The following ZFHX3 variants were observed in gnomAD, a reference collection of about 807,000 sequenced individuals.
ZFHX3 encodes zinc finger homeobox 3, also known as zinc finger homeobox protein 3.
Under a neutral mutation model 279.1 loss-of-function variants are expected in ZFHX3, and 42 were observed. That is an observed-to-expected ratio of 0.15 (90% CI 0.12 to 0.19). The LOEUF (loss-of-function observed/expected upper bound fraction) is 0.19. Ranked by LOEUF, ZFHX3 falls within the 10% of genes least tolerant of loss-of-function variation. The pLI, the probability that ZFHX3 is intolerant of heterozygous loss-of-function variation, is 1.00. For synonymous variants in ZFHX3, 2,293 were observed against 1,957.8 expected, an observed-to-expected ratio of 1.17 and a Z score of -4.52; for missense variants, 4,981 against 4,754.0, an observed-to-expected ratio of 1.05 and a Z score of -1.40.
intron 1 of ZFHX3, among the ~76,000 whole-genome samples, chr16:73,725,381 C>T (rs1409520151): frequency 3.3e-5 from 5 of 152,154 alleles, no homozygotes; most frequent in African/African-American, 7.2e-5. Context: ...GCGACAGTTC[C>T]TCTGCATCCC....
At chr16:73,818,403 T>G (rs1043784777) in intron 1 of ZFHX3, among the ~76,000 whole-genome samples, 1 of 152,156 alleles carries the variant, frequency 6.6e-6, no homozygotes, top group South Asian at 2.1e-4. Flanking sequence ...ACCATGGAGA[T>G]GGATGGATTT....
chr16:73,248,521 G>C (rs1387278906), intron 5 of ZFHX3, among the ~76,000 whole-genome samples: 1 of 150,014 alleles, frequency 6.7e-6, no homozygotes, highest in Non-Finnish European at 1.5e-5. Flanking sequence ...TAGATACCGT[G>C]TATATGTGTC....
At chr16:73,555,167 T>C (rs2020257825) in intron 2 of ZFHX3, among the ~76,000 whole-genome samples, 1 of 152,106 alleles carries the variant, frequency 6.6e-6, no homozygotes, top group Admixed American at 6.5e-5. Flanking sequence ...GTATTTTATT[T>C]TTTTTGAGGA....
intron 4 of ZFHX3, among the ~76,000 whole-genome samples, chr16:73,287,246 GGTGTGTGGGTGTGTAGGCCA>G (rs2014637545): frequency 6.9e-6 from 1 of 145,742 alleles, no homozygotes; most frequent in Non-Finnish European, 1.5e-5. Context: ...TCAGTGTATG[GGTGTGTGGGTGTGTAGGCCA>G]GTGTGTGGGT....
chr16:73,317,281 G>A (rs1304607555), intron 4 of ZFHX3, among the ~76,000 whole-genome samples: 1 of 150,514 alleles, frequency 6.6e-6, no homozygotes. Context: ...GCCGGGGGGT[G>A]GGGTGGGGGT....
chr16:73,109,029 T>C (rs924955185), intron 7 of ZFHX3, among the ~76,000 whole-genome samples: 4 of 152,174 alleles, frequency 2.6e-5, no homozygotes, highest in Admixed American at 2.0e-4. Context: ...GGCATCCCTG[T>C]TGTTCCAGCA....
intron 1 of ZFHX3, among the ~76,000 whole-genome samples, chr16:73,823,697 C>A (rs537171807): frequency 3.3e-5 from 5 of 152,114 alleles, no homozygotes; most frequent in Non-Finnish European, 5.9e-5. Flanking sequence ...CCATCAGACC[C>A]GCAAAACTGA....
intron 1 of ZFHX3, among the ~76,000 whole-genome samples, chr16:73,770,209 A>C (rs2054002232): frequency 6.6e-6 from 1 of 152,236 alleles, no homozygotes; most frequent in Admixed American, 6.5e-5. Flanking sequence ...AGGGTGACTT[A>C]AGAATCAGAG....
At chr16:73,224,629 T>A (rs2012534658) in intron 5 of ZFHX3, among the ~76,000 whole-genome samples, 1 of 152,206 alleles carries the variant, frequency 6.6e-6, no homozygotes, top group African/African-American at 2.4e-5. Context: ...GAAAAAGGAC[T>A]CTATTATCTC....
intron 4 of ZFHX3, among the ~76,000 whole-genome samples, chr16:73,304,114 C>T (rs2015124257): frequency 1.3e-5 from 2 of 152,134 alleles, no homozygotes; most frequent in Admixed American, 1.3e-4. Flanking sequence ...GGCAGCCTCC[C>T]ACCAGTCTCA....
chr16:72,793,284 G>C lies in ZFHX3; in HGVS notation c.9398C>G (p.Ser3133Cys), dbSNP rs755032362. The C allele has an allele frequency of 2.5e-6, 4 of 1,613,964 alleles. No homozygotes were observed. Among genetic ancestry groups the C allele is most frequent in the South Asian group, 1.1e-5 (1 of 91,060 alleles). The change falls in exon 9 of 10, where the codon TCC becomes TGC. Residue 3133 changes from serine to cysteine, a missense_variant. Ser to Cys is a moderately radical substitution (Grantham distance 112). Transcript: ENST00000268489. This position sits in a 1 kb window ranked among gnomAD's most constrained non-coding sequence, Gnocchi z 4.3. ...PVLLPGLNSPSLPGFTPSNTA... is the reference protein window; with the variant it reads ...PVLLPGLNSPCLPGFTPSNTA... ...GTTGGATGGAGTAAAGCCTGGCAAG[G>C]AGGGGCTGTTGAGGCCCGGGAGCAA... is the stretch of plus-strand genomic sequence containing the variant.
chr16:73,515,476 G>GAAAA (rs2019503641), intron 2 of ZFHX3, among the ~76,000 whole-genome samples: 1 of 147,720 alleles, frequency 6.8e-6, no homozygotes, highest in Non-Finnish European at 1.5e-5. Flanking sequence ...TAAGAGAGAG[G>GAAAA]AAAAAGAAGA....
intron 5 of ZFHX3, among the ~76,000 whole-genome samples, chr16:73,243,674 T>C (rs2013192738): frequency 6.6e-6 from 1 of 152,158 alleles, no homozygotes; most frequent in Non-Finnish European, 1.5e-5. Context: ...GGGTTTTGCT[T>C]CAGTGATTTC....
At chr16:73,157,166 G>T (rs1967108470) in intron 5 of ZFHX3, among the ~76,000 whole-genome samples, 2 of 152,088 alleles carry the variant, frequency 1.3e-5, no homozygotes, top group Admixed American at 1.3e-4. Flanking sequence ...TCATTTGAAG[G>T]CCCCAAAGGG....
chr16:73,247,308 T>C lies in ZFHX3; in HGVS notation c.-1104+9739A>G, dbSNP rs185042517. ...GTGTCTGTGTGTCTATGTGCCTGTT[T>C]GTGGAGTGTTTGTGTAGGTGTGTGT... On this transcript the variant is annotated intron_variant, in intron 5 of 17. Coordinates refer to the ZFHX3 transcript ENST00000641206. Among the ~76,000 whole-genome samples, 133 of 152,200 alleles carry C rather than the reference T, an allele frequency of 8.7e-4. 3 individuals carry two copies. The East Asian group carries it at 0.025, about 28-fold the overall frequency.
chr16:72,964,563 CATT>C (rs983759532), intron 1 of ZFHX3, among the ~76,000 whole-genome samples: 16 of 151,720 alleles, frequency 1.1e-4, no homozygotes, highest in African/African-American at 3.4e-4. Context: ...TTAAAACCAT[CATT>C]GAGACAGTAG....
At chr16:73,627,895 G>A (rs1167320369) in intron 2 of ZFHX3, among the ~76,000 whole-genome samples, 1 of 152,196 alleles carries the variant, frequency 6.6e-6, no homozygotes, top group African/African-American at 2.4e-5. Flanking sequence ...TCCAGCCTGG[G>A]CGACAGAGCA....
chr16:73,460,197 A>T (rs1343558927), intron 2 of ZFHX3, among the ~76,000 whole-genome samples: 1 of 150,662 alleles, frequency 6.6e-6, no homozygotes, highest in Non-Finnish European at 1.5e-5. Context: ...CAAGAATGTT[A>T]TATAAATGGA....
chr16:72,956,410 C>T (rs976536257), intron 2 of ZFHX3, among the ~76,000 whole-genome samples: 9 of 152,196 alleles, frequency 5.9e-5, no homozygotes, highest in Non-Finnish European at 1.3e-4. Flanking sequence ...TTGAAGCATA[C>T]CGGGTGGAGG....
Sources: gnomAD v4.1 joint callset for allele counts (sites outside exome capture counted in the v4.1 genomes callset) on GRCh38, gnomAD v4.1.1 for gene constraint, Gnocchi (gnomAD v3.1) non-coding constraint, MANE v1.5 for transcripts, NCBI Gene and HGNC (gene_info 2026-07-23, HGNC 2026-07-21) for gene names.